The following MIPOL1 variants were observed in gnomAD, a reference collection of about 807,000 sequenced individuals.
MIPOL1 encodes the protein mirror-image polydactyly 1.
Under a neutral mutation model 60.9 loss-of-function variants are expected in MIPOL1, and 57 were observed. The observed-to-expected ratio is 0.94, with a 90% CI of 0.76 to 1.17. MIPOL1 has a LOEUF of 1.17. Among genes scored for constraint, MIPOL1 ranks in the 50% most tolerant of loss-of-function variants. MIPOL1 has a pLI of 0.00. For synonymous variants in MIPOL1, 179 were observed against 168.8 expected, an observed-to-expected ratio of 1.06 and a Z score of -0.47; for missense variants, 551 against 511.6, an observed-to-expected ratio of 1.08 and a Z score of -0.74.
chr14:37,403,552 A>G (rs1236523639), intron 10 of MIPOL1, among the ~76,000 whole-genome samples: 3 of 150,934 alleles, frequency 2.0e-5, no homozygotes, highest in South Asian at 2.1e-4. Context: ...CTGGGAGTAC[A>G]GGCATGAGCC....
At chr14:37,437,199 T>C (rs1453700492) in intron 11 of MIPOL1, among the ~76,000 whole-genome samples, 2 of 152,148 alleles carry the variant, frequency 1.3e-5, no homozygotes, top group African/African-American at 2.4e-5. Context: ...AAAAATATCT[T>C]CTAAAACTTC....
chr14:37,485,845 A>G (rs1264908067), intron 11 of MIPOL1, among the ~76,000 whole-genome samples: 1 of 152,034 alleles, frequency 6.6e-6, no homozygotes, highest in Non-Finnish European at 1.5e-5. Flanking sequence ...ATTAGATCCC[A>G]TTTGTCAATT....
intron 10 of MIPOL1, 84 bp downstream of exon 10, chr14:37,369,708 ACATTTCAG>A (rs1394130979): frequency 6.2e-6 from 6 of 963,712 alleles, no homozygotes; most frequent in African/African-American, 1.6e-5. Flanking sequence ...TCAGTTGTGT[ACATTTCAG>A]CAGAAGTGAG....
intron 12 of MIPOL1, 28 bp downstream of exon 12, chr14:37,500,166 T>C: frequency 7.1e-7 from 1 of 1,404,218 alleles, no homozygotes. Flanking sequence ...GTAATAATAC[T>C]TCAAACACAT....
chr14:37,339,452 G>T (rs1180892325), intron 9 of MIPOL1, among the ~76,000 whole-genome samples: 1 of 152,096 alleles, frequency 6.6e-6, no homozygotes, highest in Non-Finnish European at 1.5e-5. Context: ...CCATTTCTAG[G>T]TCTTTACCTT....
At chr14:37,512,967 A>G (rs1566750630) in intron 12 of MIPOL1, among the ~76,000 whole-genome samples, 1 of 152,110 alleles carries the variant, frequency 6.6e-6, no homozygotes, top group Admixed American at 6.6e-5. Flanking sequence ...AATAAGTCGA[A>G]TAGTTATTTG....
intron 7 of MIPOL1, among the ~76,000 whole-genome samples, chr14:37,296,325 A>G (rs2153423244): frequency 6.6e-6 from 1 of 152,356 alleles, no homozygotes; most frequent in South Asian, 2.1e-4. Context: ...GGAAATTTAT[A>G]GCACTAAATG....
chr14:37,540,660 G>A (rs1034548974), intron 12 of MIPOL1, among the ~76,000 whole-genome samples: 10 of 151,706 alleles, frequency 6.6e-5, no homozygotes, highest in South Asian at 2.1e-4. Context: ...CCTTTTAATC[G>A]GTCTTCATGA....
At chr14:37,508,404 G>T (rs1354033411) in intron 12 of MIPOL1, among the ~76,000 whole-genome samples, 4 of 151,990 alleles carry the variant, frequency 2.6e-5, no homozygotes, top group Non-Finnish European at 4.4e-5. Context: ...TACTGAAATT[G>T]TTCTTCTTAA....
At chr14:37,367,263 A>G (rs1033805750) in intron 9 of MIPOL1, among the ~76,000 whole-genome samples, 4 of 152,078 alleles carry the variant, frequency 2.6e-5, no homozygotes, top group Non-Finnish European at 5.9e-5. Context: ...TAAATATGCA[A>G]TTGTGGGGAA....
intron 7 of MIPOL1, among the ~76,000 whole-genome samples, chr14:37,288,395 A>G (rs2084769499): frequency 6.6e-6 from 1 of 152,118 alleles, no homozygotes; most frequent in African/African-American, 2.4e-5. Context: ...ACAAGAAATA[A>G]CATTAATTAG....
chr14:37,410,895 T>G (rs2093670643), intron 10 of MIPOL1, among the ~76,000 whole-genome samples: 1 of 152,084 alleles, frequency 6.6e-6, no homozygotes. Context: ...GTTAGCATAT[T>G]TTTTTATTTT....
At chr14:37,362,901 G>A (rs150685182) in intron 9 of MIPOL1, among the ~76,000 whole-genome samples, 8 of 151,950 alleles carry the variant, frequency 5.3e-5, no homozygotes, top group Admixed American at 2.0e-4. Context: ...TGATTGAATC[G>A]GCTATTGAAG....
chr14:37,422,799 G>A (rs1210602241), intron 10 of MIPOL1, 56 bp from the exon 11 acceptor site: 5 of 1,164,328 alleles, frequency 4.3e-6, no homozygotes, highest in African/African-American at 1.5e-5. Context: ...CCGTGGTACT[G>A]TATTTTATCA....
chr14:37,512,478 GA>G (rs570306658), intron 12 of MIPOL1, among the ~76,000 whole-genome samples: 3,887 of 127,358 alleles, frequency 0.031, 143 homozygotes, highest in African/African-American at 0.099. Context: ...TTTCTCAGTT[GA>G]AAAAAAAAAA....
At chr14:37,420,673 C>T (rs1177674613) in intron 10 of MIPOL1, among the ~76,000 whole-genome samples, 1 of 152,076 alleles carries the variant, frequency 6.6e-6, no homozygotes, top group Non-Finnish European at 1.5e-5. Flanking sequence ...TTTATCTACC[C>T]TGGAAGTCCA....
rs79690893 is a variant in MIPOL1 at position 37,441,107 on chromosome 14, T to C, written c.1031+18158T>C. Among the ~76,000 whole-genome samples the C allele has an allele frequency of 7.3e-3, 1,111 of 152,250 alleles. 18 individuals carry two copies. The highest frequency in any genetic ancestry group is 0.025 in the African/African-American group (1,029 of 41,554). On this transcript the variant is annotated intron_variant, in intron 11 of 12. Coordinates refer to ENST00000684589, the MANE Select transcript of MIPOL1 (RefSeq NM_001388067.1). ...CAACTGCCACTTTGTAATGGGATTA[T>C]TTGGTTTTGCTGTTGTTATGTGAGT...
intron 12 of MIPOL1, among the ~76,000 whole-genome samples, chr14:37,542,269 C>A (rs2095532640): frequency 6.6e-6 from 1 of 152,114 alleles, no homozygotes; most frequent in Non-Finnish European, 1.5e-5. Flanking sequence ...TTTGACCATT[C>A]TTTCTCAATT....
At chr14:37,399,798 C>T (rs979855885) in intron 10 of MIPOL1, 2 of 152,138 alleles carry the variant, frequency 1.3e-5, no homozygotes, top group South Asian at 4.1e-4. Flanking sequence ...TATGCCATGT[C>T]CATTAGACAC....
Sources: allele counts gnomAD v4.1 joint callset (sites outside exome capture counted in the v4.1 genomes callset), GRCh38; gene constraint gnomAD v4.1.1; transcripts MANE v1.5; gene names NCBI Gene and HGNC (gene_info 2026-07-23, HGNC 2026-07-21).